Variants in TTLL8 observed in about 807,000 individuals in gnomAD.
TTLL8 encodes tubulin tyrosine ligase like 8, also known as protein monoglycylase TTLL8.
In TTLL8, 65 loss-of-function variants were observed where a neutral mutation model predicts 77.8. That is an observed-to-expected ratio of 0.84 (90% CI 0.68 to 1.03). TTLL8 has a LOEUF of 1.03. Among genes scored for constraint, TTLL8 ranks in the 50% least tolerant of loss-of-function variants. The pLI is 0.00. For missense variants in TTLL8, 910 were observed against 1,004.5 expected, an observed-to-expected ratio of 0.91 and a Z score of 1.27; for synonymous variants, 402 against 422.8, an observed-to-expected ratio of 0.95 and a Z score of 0.60.
At chr22:50,033,549 C>T in intron 9 of TTLL8, 104 bp from the exon 11 acceptor site, 2 of 1,062,366 alleles carry the variant, frequency 1.9e-6, no homozygotes, top group South Asian at 2.9e-5. Flanking sequence ...GAGACCTGCA[C>T]TGGCTTTGTC....
intron 9 of TTLL8, 79 bp from the exon 11 acceptor site, chr22:50,033,524 T>C: frequency 8.0e-7 from 1 of 1,255,848 alleles, no homozygotes; most frequent in Non-Finnish European, 1.0e-6. Flanking sequence ...TGGGGCAGGG[T>C]CGCAGCTTGG....
chr22:50,021,201 T>TGAC (rs2061196327), intron 12 of TTLL8, among the ~76,000 whole-genome samples: 1 of 137,188 alleles, frequency 7.3e-6, no homozygotes. Context: ...CTCCATCTGA[T>TGAC]GTGTACTCCT....
At chr22:50,030,823 C>G in exon 12 of TTLL8, 1 of 1,348,016 alleles carries the variant, frequency 7.4e-7, no homozygotes, top group Non-Finnish European at 9.9e-7. Context: ...GAGGCCGAGG[C>G]CTTGAGGTTG....
intron 11 of TTLL8, among the ~76,000 whole-genome samples, chr22:50,031,227 G>A (rs1413930237): frequency 6.6e-6 from 1 of 152,176 alleles, no homozygotes; most frequent in Admixed American, 6.5e-5. Flanking sequence ...CATTGGCCAC[G>A]CTTCCCAATG....
chr22:50,043,501 GGATA>G (rs2076189340), intron 6 of TTLL8, among the ~76,000 whole-genome samples: 2 of 148,252 alleles, frequency 1.3e-5, no homozygotes, highest in East Asian at 2.0e-4. Context: ...TTCGGTAGAT[GGATA>G]GATAGATAAA....
rs1432890909 is a variant in TTLL8, at chr22:50,020,744, A to C, written c.2204-4182T>G. On this transcript the variant is annotated intron_variant, in intron 12 of 13. Transcript: ENST00000266182. ...ACGATGTGCACTCCATCTGATGTGC[A>C]TTCCTCCATCTGATGATGTGTACTC... 4.2e-5 allele frequency among the ~76,000 whole-genome samples: 6 copies of C among 142,840 alleles called. 1 individual carries two copies. In the East Asian group the frequency reaches 1.3e-3, roughly 30 times the overall value. The allele number at this position is 142,840 out of a possible 152,430, so 93.7% of individuals were successfully genotyped here. A position where few individuals can be genotyped will look rare whatever the true frequency, so the allele number is the denominator to read the frequency against.
chr22:50,044,647 C>T lies in TTLL8; in HGVS notation c.643+608G>A, dbSNP rs1035219897. ...TAATGCGCCAATGTTCATCTGTCAA[C>T]AGTCGAAGCGCACTGCTCTGGTGGG... On this transcript the variant is annotated intron_variant, in intron 6 of 13. Transcript: ENST00000266182. The surrounding 1 kb of genome is among the most constrained non-coding windows in gnomAD (Gnocchi z 4.2). Among the ~76,000 whole-genome samples, 2 of 152,218 alleles carry T rather than the reference C, an allele frequency of 1.3e-5. No homozygotes were observed. The highest frequency in any genetic ancestry group is 6.5e-5 in the Admixed American group (1 of 15,274).
upstream of TTLL8, among the ~76,000 whole-genome samples, chr22:50,055,950 A>G (rs2061468538): frequency 6.6e-6 from 1 of 152,228 alleles, no homozygotes; most frequent in African/African-American, 2.4e-5. Flanking sequence ...GGAGGTCGGC[A>G]CAAGACACAG....
chr22:50,053,816 G>C (rs753783327), intron 1 of TTLL8, among the ~76,000 whole-genome samples: 3 of 152,196 alleles, frequency 2.0e-5, no homozygotes, highest in Non-Finnish European at 2.9e-5. Flanking sequence ...GTTTGTACCT[G>C]AGGGTGATGG....
At chr22:50,054,202 G>A (rs2061459176) in intron 1 of TTLL8, among the ~76,000 whole-genome samples, 1 of 152,116 alleles carries the variant, frequency 6.6e-6, no homozygotes, top group Non-Finnish European at 1.5e-5. Flanking sequence ...TCTGAGCAGT[G>A]GAAATCGACA....
intron 11 of TTLL8, 98 bp from the exon 13 acceptor site, chr22:50,031,023 A>AC (rs2061287399): frequency 4.6e-6 from 5 of 1,095,974 alleles, no homozygotes; most frequent in Non-Finnish European, 5.9e-6. Context: ...CGGGGCACAG[A>AC]CCCCCACCTG....
intron 3 of TTLL8, 69 bp downstream of exon 5, chr22:50,049,180 G>A (rs187585851): frequency 1.2e-5 from 17 of 1,362,676 alleles, no homozygotes; most frequent in East Asian, 4.6e-5. Context: ...GAGTGGGCAC[G>A]GAGCAGGGCG....
chr22:50,021,143 A>C (rs2061195411), intron 12 of TTLL8, among the ~76,000 whole-genome samples: 2 of 136,922 alleles, frequency 1.5e-5, no homozygotes, highest in African/African-American at 5.7e-5. Context: ...CCATCTGATG[A>C]TGTGTACTCC....
exon 12 of TTLL8, chr22:50,030,878 C>A (rs1355711567): frequency 1.5e-6 from 2 of 1,327,192 alleles, no homozygotes; most frequent in Non-Finnish European, 2.0e-6. Flanking sequence ...CACTGACGCC[C>A]GCCACGCAGA....
chr22:50,054,411 C>T (rs1056990528), intron 1 of TTLL8, among the ~76,000 whole-genome samples: 10 of 149,662 alleles, frequency 6.7e-5, no homozygotes, highest in African/African-American at 2.3e-4. Flanking sequence ...GTAAGGCCTC[C>T]CTCTCCTGGG....
At chr22:50,045,662 A>T in intron 5 of TTLL8, 194 bp downstream of exon 7, 1 of 726,374 alleles carries the variant, frequency 1.4e-6, no homozygotes, top group Non-Finnish European at 1.7e-6. Flanking sequence ...GCACAGAACC[A>T]CACACTCCTT....
intron 8 of TTLL8, among the ~76,000 whole-genome samples, chr22:50,040,551 A>C (rs2061364381): frequency 6.6e-6 from 1 of 152,160 alleles, no homozygotes; most frequent in Non-Finnish European, 1.5e-5. Flanking sequence ...CTGATGGGGG[A>C]CTGGAAACGT....
At position 50,041,267 on chromosome 22, in the gene TTLL8, C is replaced by A. The variant is rs1295273513; in HGVS notation, c.841G>T (p.Gly281Trp). ...AAGATGCACAAGACAATGCTACTCCCCAAAGGCACCCTGAGGGGGTATCAT... is the reference window on the plus strand; with the variant it reads ...AAGATGCACAAGACAATGCTACTCCACAAAGGCACCCTGAGGGGGTATCAT... The change falls in exon 8 of 14, where the codon GGG becomes TGG. Residue 281 changes from glycine to tryptophan, a missense_variant. By Grantham distance (184) the Gly-to-Trp change is radical. Around this residue, in one of 2 missense-constraint regions of TTLL8, gnomAD observed 776 missense variants for 926.1 expected, o/e 0.84. Transcript: ENST00000266182. The surrounding 1 kb of genome is among the most constrained non-coding windows in gnomAD (Gnocchi z 4.3). 4.0e-6 allele frequency: 2 copies of A among 505,390 alleles called. No individual in the cohort carries two copies. The highest frequency in any genetic ancestry group is 1.2e-4 in the East Asian group (2 of 16,654). The allele number at this position is 505,390 out of a possible 1,614,324, so 31.3% of individuals were successfully genotyped here. A position where few individuals can be genotyped will look rare whatever the true frequency, so the allele number is the denominator to read the frequency against.
exon 12 of TTLL8, chr22:50,030,835 A>G (rs757402247): frequency 1.5e-6 from 2 of 1,343,560 alleles, no homozygotes; most frequent in South Asian, 2.4e-5. Flanking sequence ...TTGAGGTTGC[A>G]GACGGGCAGC....
Sources: allele counts gnomAD v4.1 joint callset (sites outside exome capture counted in the v4.1 genomes callset), GRCh38; gene constraint gnomAD v4.1.1; regional missense constraint gnomAD v4.1.1; non-coding constraint Gnocchi (gnomAD v3.1); transcripts MANE v1.5; gene names NCBI Gene and HGNC (gene_info 2026-07-23, HGNC 2026-07-21).